GFRAL: variants seen among roughly 807,000 people sequenced by gnomAD.
The protein encoded by GFRAL is GDNF family receptor alpha-like.
In GFRAL, 36 loss-of-function variants were observed where a neutral mutation model predicts 45.4. The ratio of observed to expected loss-of-function variants is 0.79; its 90% confidence interval spans 0.61 to 1.05. The LOEUF is 1.05. Ranked by LOEUF, GFRAL falls within the 50% of genes least tolerant of loss-of-function variation. The pLI, the probability that GFRAL is intolerant of heterozygous loss-of-function variation, is 0.00. For missense variants in GFRAL, 507 were observed against 467.5 expected (o/e 1.08, Z -0.78); for synonymous variants, 166 against 154.1 (o/e 1.08, Z -0.57).
chr6:55,358,783 T>C, intron 5 of GFRAL, 105 bp from the exon 6 acceptor site: 1 of 1,033,638 alleles, frequency 9.7e-7, no homozygotes, highest in Non-Finnish European at 1.4e-6. Context: ...TACTGGCATC[T>C]CGAAGGCATT....
At chr6:55,354,401 T>A (rs1357207491) in intron 5 of GFRAL, among the ~76,000 whole-genome samples, 1 of 152,018 alleles carries the variant, frequency 6.6e-6, no homozygotes, top group Non-Finnish European at 1.5e-5. Context: ...TCCCTTCCTC[T>A]CACTTTTGAA....
intron 5 of GFRAL, among the ~76,000 whole-genome samples, chr6:55,357,790 CTTATGT>C (rs1428210235): frequency 6.6e-6 from 1 of 151,554 alleles, no homozygotes; most frequent in Non-Finnish European, 1.5e-5. Context: ...AATTTATCTA[CTTATGT>C]ATAAGTAGAT....
intron 6 of GFRAL, among the ~76,000 whole-genome samples, chr6:55,378,703 T>A (rs77369567): frequency 2.0e-5 from 3 of 151,968 alleles, no homozygotes; most frequent in African/African-American, 4.8e-5. Flanking sequence ...CTGTTTTTTT[T>A]AATCCCTTTG....
chr6:55,336,297 G>A (rs554473747), intron 3 of GFRAL, among the ~76,000 whole-genome samples: 1 of 152,266 alleles, frequency 6.6e-6, no homozygotes, highest in South Asian at 2.1e-4. Context: ...TGTCTGCAAA[G>A]AATCCTGCTG....
rs36074077 is a variant in GFRAL, at chr6:55,363,434, C to CT, written c.952+4310dup. On this transcript the variant is annotated intron_variant, in intron 6 of 8. Coordinates refer to ENST00000340465, the MANE Select transcript of GFRAL (RefSeq NM_207410.2). ...TATTTACATACATGGTAGCTTAATT[C>CT]TTTTTTTTTTTTTTAATTATACTTT... Among the ~76,000 whole-genome samples the CT allele has an allele frequency of 4.6e-3, 682 of 147,302 alleles. 1 individual carries two copies. The highest frequency in any genetic ancestry group is 0.015 in the African/African-American group (583 of 40,196).
intron 5 of GFRAL, among the ~76,000 whole-genome samples, chr6:55,358,665 G>T (rs924716845): frequency 6.6e-6 from 1 of 151,912 alleles, no homozygotes; most frequent in Admixed American, 6.6e-5. Context: ...CAACTTAACT[G>T]CTGTCTTTCA....
In GFRAL at chr6:55,342,297, G is replaced by A. The variant is rs141853116; in HGVS notation, c.317-7795G>A. On this transcript the variant is annotated intron_variant, in intron 3 of 8. Coordinates refer to ENST00000340465, the MANE Select transcript of GFRAL (RefSeq NM_207410.2). Reference sequence around the variant, plus strand: ...GAGAAAGGTTGGGTTACCCACAAAGGGAGGCCCAGCAGACTAACAGCAGAT... The same window carrying A: ...GAGAAAGGTTGGGTTACCCACAAAGAGAGGCCCAGCAGACTAACAGCAGAT... Among the ~76,000 whole-genome samples the A allele has an allele frequency of 6.7e-3, 1,024 of 152,278 alleles. 13 individuals carry two copies. Among genetic ancestry groups the A allele is most frequent in the African/African-American group, 0.024 (990 of 41,556 alleles).
intron 3 of GFRAL, among the ~76,000 whole-genome samples, chr6:55,349,531 G>C (rs898408128): frequency 6.6e-6 from 1 of 151,870 alleles, no homozygotes; most frequent in Non-Finnish European, 1.5e-5. Flanking sequence ...GTACATAGTA[G>C]GGAACCAACC....
At chr6:55,385,879 T>C (rs1768676168) in intron 6 of GFRAL, among the ~76,000 whole-genome samples, 1 of 152,090 alleles carries the variant, frequency 6.6e-6, no homozygotes, top group African/African-American at 2.4e-5. Flanking sequence ...TAAATTCTAG[T>C]AAAGATTTCA....
intron 8 of GFRAL, among the ~76,000 whole-genome samples, chr6:55,401,585 A>G (rs1768896499): frequency 1.3e-5 from 2 of 152,256 alleles, no homozygotes; most frequent in Admixed American, 6.5e-5. Context: ...GACTTTTTAA[A>G]AAATGATTAC....
chr6:55,351,334 A>T lies in GFRAL; in HGVS notation c.452A>T (p.Tyr151Phe). Residue 151 changes from tyrosine (Y) to phenylalanine (F), a missense_variant, in exon 5 of 9, where the codon TAC becomes TTC. By Grantham distance (22) the Tyr-to-Phe change is conservative. Coordinates refer to ENST00000340465, the MANE Select transcript of GFRAL (RefSeq NM_207410.2). ...DVVCNAQLAS[Y>F]LKACSANGNP... ...GTCTGTAATGCACAGTTGGCCTCTT[A>T]CCTTAAAGCTTGCTCAGCAAATGGA... The T allele has an allele frequency of 6.2e-7, 1 of 1,613,574 alleles. No homozygotes were observed. The highest frequency in any genetic ancestry group is 8.5e-7 in the Non-Finnish European group (1 of 1,179,704).
chr6:55,333,777 G>C lies in GFRAL; in HGVS notation c.158-9G>C, dbSNP rs769548919. The C allele has an allele frequency of 2.5e-6, 4 of 1,574,790 alleles. No individual in the cohort carries two copies. Among genetic ancestry groups the C allele is most frequent in the South Asian group, 1.2e-5 (1 of 85,156 alleles). ...TTAATATCTATAGTGTTATGTGTTT[G>C]ATTGTGAGATCCAGGTGACCCCTGC... On this transcript the variant is annotated splice_polypyrimidine_tract_variant and intron_variant, in intron 2 of 8. Transcript: ENST00000340465.
intron 4 of GFRAL, among the ~76,000 whole-genome samples, chr6:55,350,614 T>A (rs1768104182): frequency 6.6e-6 from 1 of 152,088 alleles, no homozygotes; most frequent in East Asian, 1.9e-4. Flanking sequence ...GGCAGGAGGA[T>A]CACTTGAGCC....
intron 6 of GFRAL, among the ~76,000 whole-genome samples, chr6:55,397,122 C>T (rs898365304): frequency 2.0e-5 from 3 of 152,108 alleles, no homozygotes; most frequent in Non-Finnish European, 2.9e-5. Context: ...AGTGATCTTC[C>T]CAACTTAGCC....
At chr6:55,342,794 G>A (rs913782479) in intron 3 of GFRAL, among the ~76,000 whole-genome samples, 2 of 152,086 alleles carry the variant, frequency 1.3e-5, no homozygotes, top group African/African-American at 4.8e-5. Flanking sequence ...CTCACGTGCA[G>A]AGACACACAT....
chr6:55,364,798 A>C (rs1279600990), intron 6 of GFRAL, among the ~76,000 whole-genome samples: 1 of 151,636 alleles, frequency 6.6e-6, no homozygotes, highest in Non-Finnish European at 1.5e-5. Flanking sequence ...ATTGATCTAT[A>C]TCTCTGTTTT....
At chr6:55,338,280 T>G (rs1258173852) in intron 3 of GFRAL, among the ~76,000 whole-genome samples, 1 of 151,830 alleles carries the variant, frequency 6.6e-6, no homozygotes, top group Non-Finnish European at 1.5e-5. Context: ...AGTAGAGACA[T>G]GGTTTTGCCA....
At chr6:55,369,401 T>G (rs907199048) in intron 6 of GFRAL, among the ~76,000 whole-genome samples, 1 of 152,238 alleles carries the variant, frequency 6.6e-6, no homozygotes, top group African/African-American at 2.4e-5. Flanking sequence ...ATCACCCATC[T>G]TCTGCGTCGC....
At chr6:55,341,064 G>A (rs539455513) in intron 3 of GFRAL, among the ~76,000 whole-genome samples, 4 of 152,318 alleles carry the variant, frequency 2.6e-5, no homozygotes, top group East Asian at 3.9e-4. Context: ...GCTCAAGGAG[G>A]CCTGCTTGCA....
Sources: gnomAD v4.1 joint callset for allele counts (sites outside exome capture counted in the v4.1 genomes callset) on GRCh38, gnomAD v4.1.1 for gene constraint, MANE v1.5 for transcripts, NCBI Gene and HGNC (gene_info 2026-07-23, HGNC 2026-07-21) for gene names.